Variants in ASAH2 observed in about 807,000 individuals in gnomAD.
The protein encoded by ASAH2 is neutral ceramidase.
A neutral mutation model predicts 82.9 loss-of-function variants in ASAH2; 58 were observed. The ratio of observed to expected loss-of-function variants is 0.70; its 90% CI spans 0.57 to 0.87. The LOEUF is 0.87. Among genes scored for constraint, ASAH2 ranks in the 40% least tolerant of loss-of-function variants. The pLI, the probability that ASAH2 is intolerant of heterozygous loss-of-function variation, is 0.00. For synonymous variants in ASAH2, 276 were observed against 289.7 expected (o/e 0.95, Z 0.48); for missense variants, 779 against 834.0 (o/e 0.93, Z 0.81).
intron 7 of ASAH2, among the ~76,000 whole-genome samples, chr10:50,223,488 C>T (rs1370752000): frequency 6.6e-6 from 1 of 152,132 alleles, no homozygotes; most frequent in Non-Finnish European, 1.5e-5. Context: ...GTTCTACGTG[C>T]TAGCATGGCC....
chr10:50,202,168 A>G (rs1845166121), intron 16 of ASAH2, among the ~76,000 whole-genome samples: 1 of 152,072 alleles, frequency 6.6e-6, no homozygotes, highest in Admixed American at 6.6e-5. Context: ...ATCACTGAAT[A>G]TTTACCAAGG....
chr10:50,227,974 C>A (rs1190102478), intron 7 of ASAH2, among the ~76,000 whole-genome samples: 1 of 152,078 alleles, frequency 6.6e-6, no homozygotes, highest in Non-Finnish European at 1.5e-5. Flanking sequence ...AAGACAGCAT[C>A]AAGCTTCACA....
chr10:50,225,221 GC>G (rs1845848392), intron 7 of ASAH2, among the ~76,000 whole-genome samples: 1 of 152,168 alleles, frequency 6.6e-6, no homozygotes, highest in South Asian at 2.1e-4. Context: ...TTTGAAACCA[GC>G]CTGGCCAACA....
chr10:50,211,402 A>G (rs1278361893), intron 10 of ASAH2, among the ~76,000 whole-genome samples: 1 of 152,164 alleles, frequency 6.6e-6, no homozygotes, highest in African/African-American at 2.4e-5. Flanking sequence ...CTGTGGCACA[A>G]AAGGCCTCAA....
At chr10:50,225,019 A>C (rs1453168193) in intron 7 of ASAH2, among the ~76,000 whole-genome samples, 5 of 151,972 alleles carry the variant, frequency 3.3e-5, no homozygotes, top group African/African-American at 1.2e-4. Flanking sequence ...ATTTCTACCA[A>C]CTCCACCCCA....
chr10:50,194,319 T>C (rs1417444309), intron 18 of ASAH2, among the ~76,000 whole-genome samples: 20 of 151,706 alleles, frequency 1.3e-4, no homozygotes, highest in African/African-American at 4.6e-4. Context: ...GACTAAATGA[T>C]ACGGCATTTA....
chr10:50,223,836 G>A (rs889098640), intron 7 of ASAH2, among the ~76,000 whole-genome samples: 7 of 152,242 alleles, frequency 4.6e-5, no homozygotes, highest in African/African-American at 1.7e-4. Flanking sequence ...TATGAAGATG[G>A]GGGCACAGAT....
At position 50,233,945 on chromosome 10, in the gene ASAH2, C is replaced by T. The variant is rs1038449598; in HGVS notation, c.815+480G>A. 3.5e-4 allele frequency among the ~76,000 whole-genome samples: 53 copies of T among 152,100 alleles called. 2 individuals are homozygous for T. The highest frequency in any genetic ancestry group is 3.5e-3 in the Admixed American group (53 of 15,248). On this transcript the variant is annotated intron_variant, in intron 6 of 20. Transcript: ENST00000682911. ...TCCATATTCTTTATCCTTTTATTTT[C>T]TCTGTCTTGCCACACTCTTGTGGAC... is the stretch of plus-strand genomic sequence containing the variant.
At chr10:50,193,427 A>G (rs1844894235) in intron 18 of ASAH2, among the ~76,000 whole-genome samples, 1 of 147,626 alleles carries the variant, frequency 6.8e-6, no homozygotes, top group African/African-American at 2.5e-5. Flanking sequence ...AGCTGCACAG[A>G]GACAGAAATC....
intron 7 of ASAH2, among the ~76,000 whole-genome samples, chr10:50,223,568 A>G (rs1845801135): frequency 6.6e-6 from 1 of 152,230 alleles, no homozygotes; most frequent in Non-Finnish European, 1.5e-5. Context: ...ACGTTCATGA[A>G]GATTCATAGC....
chr10:50,223,809 C>T (rs1379895060), intron 7 of ASAH2, among the ~76,000 whole-genome samples: 1 of 152,098 alleles, frequency 6.6e-6, no homozygotes, highest in Non-Finnish European at 1.5e-5. Flanking sequence ...AACCCAGAGA[C>T]ATAGAGAACA....
At chr10:50,246,921 C>T (rs2043616) in intron 2 of ASAH2, among the ~76,000 whole-genome samples, 51,120 of 152,080 alleles carry the variant, frequency 0.34, 10,571 homozygotes, top group Non-Finnish European at 0.45. Flanking sequence ...GTCTCCGTTT[C>T]CCCAAGCGTA....
intron 13 of ASAH2, 38 bp downstream of exon 13, chr10:50,205,944 A>G (rs952656338): frequency 3.4e-6 from 5 of 1,449,642 alleles, no homozygotes; most frequent in South Asian, 3.4e-5. Context: ...TAAAAATAAC[A>G]ATATGCTAAT....
At chr10:50,213,082 C>A in intron 9 of ASAH2, 24 bp from the exon 10 acceptor site, 1 of 1,562,578 alleles carries the variant, frequency 6.4e-7, no homozygotes, top group Non-Finnish European at 8.8e-7. Context: ...AGATATGATG[C>A]ATTCTTGGCC....
chr10:50,218,771 G>T (rs1353644235), intron 7 of ASAH2, 141 bp from the exon 8 acceptor site: 2 of 928,186 alleles, frequency 2.2e-6, no homozygotes, highest in East Asian at 5.0e-5. Flanking sequence ...TTCTTTCATT[G>T]TTCATGGGCT....
At chr10:50,225,200 C>T (rs1041423098) in intron 7 of ASAH2, among the ~76,000 whole-genome samples, 23 of 152,122 alleles carry the variant, frequency 1.5e-4, no homozygotes, top group Non-Finnish European at 3.2e-4. Flanking sequence ...TTTGGGAGGC[C>T]AAGGCAGGAG....
At position 50,250,614 on chromosome 10, in the gene ASAH2, G is replaced by T. The variant is rs368151162; in HGVS notation, c.-37+781C>A. On this transcript the variant is annotated intron_variant, in intron 1 of 20. Coordinates refer to ENST00000682911, the MANE Select transcript of ASAH2 (RefSeq NM_019893.4). ...TTCAAACCCAGTATCTCTAGTTTTTGCTCAGGGCTTTGGTTCTCTAAGCCT... is the reference window on the plus strand; with the variant it reads ...TTCAAACCCAGTATCTCTAGTTTTTTCTCAGGGCTTTGGTTCTCTAAGCCT... Among the ~76,000 whole-genome samples, 9 of 152,264 alleles carry T rather than the reference G, an allele frequency of 5.9e-5. No individual in the cohort carries two copies. In the South Asian group the frequency reaches 1.9e-3, roughly 32 times the overall value.
Position 50,202,747 on chromosome 10 carries a change from G to T in ASAH2, c.1761+82C>A. The T allele has an allele frequency of 3.0e-6, 3 of 996,764 alleles. No homozygotes were observed. The South Asian group carries it at 3.9e-5, about 13-fold the overall frequency. The allele number at this position is 996,764 out of a possible 1,614,324, so 61.7% of individuals were successfully genotyped here. ...ATCTCTCAGAAACATGACTGGGAAA[G>T]TTTACAAAGCAAGTCTGCATTTGAC... On this transcript the variant is annotated intron_variant, in intron 16 of 20. Transcript: ENST00000682911.
chr10:50,196,034 TAAG>T (rs1844970008), intron 18 of ASAH2, among the ~76,000 whole-genome samples: 1 of 151,776 alleles, frequency 6.6e-6, no homozygotes, highest in African/African-American at 2.4e-5. Flanking sequence ...TAAAAATTGT[TAAG>T]AAAGTCTCAA....
Sources: allele counts gnomAD v4.1 joint callset (sites outside exome capture counted in the v4.1 genomes callset), GRCh38; gene constraint gnomAD v4.1.1; transcripts MANE v1.5; gene names NCBI Gene and HGNC (gene_info 2026-07-23, HGNC 2026-07-21).